SLC25A26: variants seen among roughly 807,000 people sequenced by gnomAD.
SLC25A26 encodes mitochondrial S-adenosylmethionine carrier protein.
SLC25A26 carries 36 observed loss-of-function variants against 37.8 expected under a neutral mutation model. That is an observed-to-expected ratio of 0.95 (90% CI 0.73 to 1.26). SLC25A26 has a LOEUF of 1.26. Ranked by LOEUF, SLC25A26 falls within the 50% of genes most tolerant of loss-of-function variation. The probability of loss-of-function intolerance (pLI) is 0.00; values close to 1 mark genes in which losing one functional copy is unlikely to be tolerated. For synonymous variants in SLC25A26, 129 were observed against 122.5 expected (o/e 1.05, Z -0.35); for missense variants, 390 against 331.1 (o/e 1.18, Z -1.38).
Position 66,142,506 on chromosome 3 carries a change from C to T in SLC25A26, c.-354+8522C>T, listed in dbSNP as rs1358685077. 2.6e-5 allele frequency among the ~76,000 whole-genome samples: 4 copies of T among 152,258 alleles called. No homozygotes were observed. In the East Asian group the frequency reaches 7.7e-4, roughly 29 times the overall value. ...AAGGCCCTCATTCCAGAGATGGCCA[C>T]ACTATACTCAGAGAAAAATGCCCTG... On this transcript the variant is annotated intron_variant, in intron 1 of 10. Transcript: ENST00000676754.
intron 7 of SLC25A26, among the ~76,000 whole-genome samples, chr3:66,366,776 T>C (rs1037132970): frequency 2.6e-5 from 4 of 152,222 alleles, no homozygotes; most frequent in African/African-American, 9.6e-5. Flanking sequence ...AAATTTTAAT[T>C]TGTCTTATAT....
At chr3:66,256,571 G>T (rs1166740517) in intron 3 of SLC25A26, among the ~76,000 whole-genome samples, 1 of 152,112 alleles carries the variant, frequency 6.6e-6, no homozygotes, top group African/African-American at 2.4e-5. Flanking sequence ...ATAAGTATAT[G>T]TATAGGCAAT....
chr3:66,157,999 T>C (rs982474893), intron 1 of SLC25A26, among the ~76,000 whole-genome samples: 2 of 152,348 alleles, frequency 1.3e-5, no homozygotes, highest in African/African-American at 2.4e-5. Context: ...CTGACACCTA[T>C]TGAAGGGAGA....
chr3:66,139,385 A>G (rs2106662621), intron 1 of SLC25A26, among the ~76,000 whole-genome samples: 1 of 152,324 alleles, frequency 6.6e-6, no homozygotes, highest in South Asian at 2.1e-4. Context: ...TGAGAAAACA[A>G]TGCCTCCAAT....
intron 5 of SLC25A26, among the ~76,000 whole-genome samples, chr3:66,287,699 G>C (rs970311788): frequency 6.6e-6 from 1 of 152,184 alleles, no homozygotes; most frequent in African/African-American, 2.4e-5. Context: ...AAGCACGAAG[G>C]ATCTTTGCTT....
rs1347401531 is a variant in SLC25A26, at chr3:66,370,548, A to AT, written c.654dup (p.Gly219TrpfsTer42). The stretch of plus-strand genomic sequence containing the variant: ...ACACAGGCTGGCTCCAGCACTGCTG[A>AT]TGGGAATGTGCTCTCTGTCCTGCAT... On this transcript the variant is annotated frameshift_variant, in exon 9 of 10. Coordinates refer to ENST00000354883, the MANE Select transcript of SLC25A26 (RefSeq NM_001379210.1). LOFTEE classifies it high-confidence loss of function. 3.1e-6 allele frequency: 5 copies of AT among 1,613,748 alleles called. No homozygotes were observed. The Admixed American group carries it at 5.0e-5, about 16-fold the overall frequency.
At chr3:66,304,367 A>G (rs1019978216) in intron 5 of SLC25A26, 1 of 451,468 alleles carries the variant, frequency 2.2e-6, no homozygotes, top group African/African-American at 2.0e-5. Context: ...TATGTCTCAT[A>G]TCTAAGCTAA....
intron 5 of SLC25A26, among the ~76,000 whole-genome samples, chr3:66,268,602 A>G (rs1247311837): frequency 2.0e-5 from 3 of 152,232 alleles, no homozygotes; most frequent in Admixed American, 6.5e-5. Context: ...TGCCTGTCAC[A>G]CAGTACGTGC....
intron 5 of SLC25A26, among the ~76,000 whole-genome samples, chr3:66,292,273 T>C (rs2074739245): frequency 6.6e-6 from 1 of 152,190 alleles, no homozygotes; most frequent in Non-Finnish European, 1.5e-5. Flanking sequence ...TCTGTGTCTT[T>C]TAGTTGGGGT....
At chr3:66,137,224 T>TC (rs1248787876) in intron 1 of SLC25A26, among the ~76,000 whole-genome samples, 8 of 149,192 alleles carry the variant, frequency 5.4e-5, no homozygotes, top group Admixed American at 5.3e-4. Context: ...TTTCTTTTTT[T>TC]TTTTTTTTTT....
chr3:66,330,304 G>C (rs2075940837), intron 5 of SLC25A26, among the ~76,000 whole-genome samples: 1 of 152,118 alleles, frequency 6.6e-6, no homozygotes, highest in Non-Finnish European at 1.5e-5. Flanking sequence ...ATATCTATTA[G>C]ACAACCTAAT....
At chr3:66,142,934 T>C (rs1378427952) in intron 1 of SLC25A26, among the ~76,000 whole-genome samples, 2 of 152,052 alleles carry the variant, frequency 1.3e-5, no homozygotes, top group Non-Finnish European at 2.9e-5. Flanking sequence ...GGCCAATCTT[T>C]CTTTTTATTT....
At chr3:66,277,452 G>C (rs73833442) in intron 5 of SLC25A26, among the ~76,000 whole-genome samples, 5,579 of 152,120 alleles carry the variant, frequency 0.037, 330 homozygotes, top group African/African-American at 0.13. Flanking sequence ...TAAATGGGGA[G>C]ATGTTGTTCA....
At chr3:66,275,849 A>G (rs2074124378) in intron 5 of SLC25A26, among the ~76,000 whole-genome samples, 1 of 152,134 alleles carries the variant, frequency 6.6e-6, no homozygotes, top group African/African-American at 2.4e-5. Context: ...AATAAAACTT[A>G]TGAAGAAGAT....
intron 5 of SLC25A26, among the ~76,000 whole-genome samples, chr3:66,313,643 C>G (rs921298540): frequency 6.6e-6 from 1 of 152,076 alleles, no homozygotes; most frequent in East Asian, 1.9e-4. Context: ...ATAGTTTCTT[C>G]TGATTCTGTG....
chr3:66,147,845 G>A (rs1414597368), intron 1 of SLC25A26, among the ~76,000 whole-genome samples: 2 of 151,882 alleles, frequency 1.3e-5, no homozygotes, highest in Non-Finnish European at 2.9e-5. Flanking sequence ...TGCAACCTCC[G>A]CCTCCTGGGT....
intron 1 of SLC25A26, among the ~76,000 whole-genome samples, chr3:66,153,425 T>A (rs2070234533): frequency 6.6e-6 from 1 of 151,948 alleles, no homozygotes; most frequent in African/African-American, 2.4e-5. Context: ...TTAACAGGAG[T>A]GCCTGTTTAA....
chr3:66,319,197 G>A (rs867051679), intron 5 of SLC25A26, among the ~76,000 whole-genome samples: 4 of 152,050 alleles, frequency 2.6e-5, no homozygotes, highest in Non-Finnish European at 5.9e-5. Flanking sequence ...TGTATATGAT[G>A]GCATAGCTCA....
chr3:66,190,592 T>G (rs2070922233), intron 1 of SLC25A26, among the ~76,000 whole-genome samples: 1 of 151,848 alleles, frequency 6.6e-6, no homozygotes, highest in African/African-American at 2.4e-5. Context: ...CCGCACCTGG[T>G]TAATTTTTGT....
Sources: allele counts gnomAD v4.1 joint callset (sites outside exome capture counted in the v4.1 genomes callset), GRCh38; gene constraint gnomAD v4.1.1; transcripts MANE v1.5; gene names NCBI Gene and HGNC (gene_info 2026-07-23, HGNC 2026-07-21).